Variants in MROH9 observed in about 807,000 individuals in gnomAD.
MROH9 encodes maestro heat like repeat family member 9.
MROH9 carries 92 observed loss-of-function variants against 98.2 expected under a neutral mutation model. That is an observed-to-expected ratio of 0.94 (90% CI 0.79 to 1.11). The LOEUF is 1.11. MROH9 is among the 50% of genes most tolerant of loss of function. The pLI is 0.00. For synonymous variants in MROH9, 397 were observed against 368.9 expected (o/e 1.08, Z -0.87); for missense variants, 1,057 against 1,014.8 (o/e 1.04, Z -0.57).
chr1:171,033,050 G>A (rs1652975971), intron 20 of MROH9, among the ~76,000 whole-genome samples: 1 of 152,236 alleles, frequency 6.6e-6, no homozygotes, highest in African/African-American at 2.4e-5. Context: ...GAGGCACTCT[G>A]CCACAGACTG....
intron 20 of MROH9, among the ~76,000 whole-genome samples, chr1:171,043,761 A>AT (rs1553222467): frequency 6.6e-6 from 1 of 151,514 alleles, no homozygotes; most frequent in Non-Finnish European, 1.5e-5. Context: ...TGGGATTCAA[A>AT]TTTTTTTCAC....
In MROH9 at chr1:170,937,544, C is replaced by T. The variant is rs868829141; in HGVS notation, c.-38+1957C>T. Among the ~76,000 whole-genome samples, 15 of 118,706 alleles carry T rather than the reference C, an allele frequency of 1.3e-4. No individual in the cohort carries two copies. In the East Asian group the frequency reaches 2.5e-3, roughly 20 times the overall value. 77.9% of individuals were successfully genotyped at this position (118,706 alleles called of 152,430 possible). A position where few individuals can be genotyped will look rare whatever the true frequency, so the allele number is the denominator to read the frequency against. ...TTTTTTTTTTTTTTTTTTTTTGAGA[C>T]GGAGTCTCGCTCTGTCGCCCAGGCT... On this transcript the variant is annotated intron_variant, in intron 1 of 21. Transcript: ENST00000367759.
Position 171,061,356 on chromosome 1 carries a change from A to G in MROH9, c.2282-776A>G, listed in dbSNP as rs572706619. On this transcript the variant is annotated intron_variant, in intron 20 of 21. Coordinates refer to ENST00000367759, the MANE Select transcript of MROH9 (RefSeq NM_001163629.2). ...CATAAGCATACCCGGTAAATCCACTAGTTATATACCAAACAGCAGTTATAC... is the reference window on the plus strand; with the variant it reads ...CATAAGCATACCCGGTAAATCCACTGGTTATATACCAAACAGCAGTTATAC... Among the ~76,000 whole-genome samples the G allele has an allele frequency of 3.3e-5, 5 of 152,282 alleles. No individual in the cohort carries two copies. The South Asian group carries it at 6.2e-4, about 19-fold the overall frequency.
chr1:171,026,349 A>T (rs1652714093), intron 20 of MROH9, among the ~76,000 whole-genome samples: 1 of 151,150 alleles, frequency 6.6e-6, no homozygotes, highest in East Asian at 1.9e-4. Flanking sequence ...ATCTTGGCTC[A>T]CTGCAACCTC....
intron 17 of MROH9, among the ~76,000 whole-genome samples, chr1:171,018,665 G>A (rs568972168): frequency 3.3e-5 from 5 of 152,282 alleles, no homozygotes; most frequent in African/African-American, 9.6e-5. Flanking sequence ...TAGATAAAAG[G>A]TTAGAGGAGC....
At chr1:171,059,319 C>T (rs1461894373) in intron 20 of MROH9, among the ~76,000 whole-genome samples, 1 of 152,058 alleles carries the variant, frequency 6.6e-6, no homozygotes, top group Non-Finnish European at 1.5e-5. Flanking sequence ...TAGAGAAATG[C>T]AAATCAAAAC....
At chr1:171,037,810 T>A (rs753155636) in intron 20 of MROH9, among the ~76,000 whole-genome samples, 56 of 149,188 alleles carry the variant, frequency 3.8e-4, no homozygotes, top group Non-Finnish European at 6.3e-4. Context: ...AAGTGAATCA[T>A]TGACCTTAAC....
rs569145183 is a variant in MROH9, at chr1:170,963,205, G to A, written c.375+1229G>A. 2.0e-5 allele frequency among the ~76,000 whole-genome samples: 3 copies of A among 151,362 alleles called. No individual in the cohort carries two copies. In the East Asian group the frequency reaches 5.8e-4, roughly 29 times the overall value. On this transcript the variant is annotated intron_variant, in intron 6 of 21. Coordinates refer to ENST00000367759, the MANE Select transcript of MROH9 (RefSeq NM_001163629.2). ...ACACTTTTCAAAAGAAGACATACATGTGGCCAACAAGAATATGAAAAAAAG... is the reference window on the plus strand; with the variant it reads ...ACACTTTTCAAAAGAAGACATACATATGGCCAACAAGAATATGAAAAAAAG...
chr1:170,978,324 G>A (rs1650794761), intron 8 of MROH9, among the ~76,000 whole-genome samples: 1 of 152,170 alleles, frequency 6.6e-6, no homozygotes, highest in Non-Finnish European at 1.5e-5. Flanking sequence ...ATTGAGGGCA[G>A]CAGGGATAGA....
rs34151701 is a variant in MROH9, at chr1:171,044,151, GT to G, written c.2282-17975del. ...TGTTGATGTATATTCCATCTATGCA[GT>G]TTTTTAAGGGTTTTTATCATGAAGG... On this transcript the variant is annotated intron_variant, in intron 20 of 21. Coordinates refer to ENST00000367759, the MANE Select transcript of MROH9 (RefSeq NM_001163629.2). Among the ~76,000 whole-genome samples, 7 of 152,142 alleles carry G rather than the reference GT, an allele frequency of 4.6e-5. 1 individual carries two copies. In the South Asian group the frequency reaches 6.2e-4, roughly 14 times the overall value.
At chr1:170,996,296 G>C (rs1209089704) in intron 13 of MROH9, among the ~76,000 whole-genome samples, 1 of 152,176 alleles carries the variant, frequency 6.6e-6, no homozygotes, top group Non-Finnish European at 1.5e-5. Context: ...ATTGATGCTA[G>C]ATTTTGTGTG....
chr1:171,056,622 GGTCA>G (rs765898913), intron 20 of MROH9, among the ~76,000 whole-genome samples: 1 of 152,114 alleles, frequency 6.6e-6, no homozygotes, highest in Non-Finnish European at 1.5e-5. Context: ...CTGCACCAAG[GGTCA>G]GTCAAAGTGC....
At chr1:171,004,338 G>A (rs531010141) in intron 15 of MROH9, among the ~76,000 whole-genome samples, 6 of 152,048 alleles carry the variant, frequency 3.9e-5, no homozygotes, top group Admixed American at 6.6e-5. Context: ...TTTACTCCCT[G>A]CCCCTCTGGC....
intron 17 of MROH9, among the ~76,000 whole-genome samples, chr1:171,022,696 C>T (rs950521495): frequency 2.6e-5 from 4 of 152,004 alleles, no homozygotes; most frequent in African/African-American, 9.7e-5. Context: ...AGCAAACCAG[C>T]ATGGCACACA....
At chr1:170,958,429 CTTTT>C (rs374865486) in intron 3 of MROH9, 28 bp from the exon 4 acceptor site, 411 of 988,786 alleles carry the variant, frequency 4.2e-4, no homozygotes, top group South Asian at 5.4e-4. Context: ...ATTAATTCTT[CTTTT>C]TTTTTTTTTT....
rs754332732 is a variant in MROH9, at chr1:171,044,972, C to CTTTTTTTTTTTTTTTT, written c.2282-17128_2282-17113dup. On this transcript the variant is annotated intron_variant, in intron 20 of 21. Transcript: ENST00000367759. Reference sequence around the variant, plus strand: ...CAATTCCATTTATTTCTGCTCTGATCTTTTTTTTTTTTTTTTTTTTTTTTT... The same window carrying CTTTTTTTTTTTTTTTT: ...CAATTCCATTTATTTCTGCTCTGATCTTTTTTTTTTTTTTTTTTTTTTTTTTTTTTTTTTTTTTTTT... 1.4e-3 allele frequency among the ~76,000 whole-genome samples: 65 copies of CTTTTTTTTTTTTTTTT among 45,712 alleles called. 16 individuals carry two copies. The Middle Eastern group carries it at 0.037, about 26-fold the overall frequency. 30.0% of individuals were successfully genotyped at this position (45,712 alleles called of 152,430 possible). A position where few individuals can be genotyped will look rare whatever the true frequency, so the allele number is the denominator to read the frequency against.
intron 20 of MROH9, among the ~76,000 whole-genome samples, chr1:171,030,385 G>A (rs539214480): frequency 8.6e-5 from 13 of 152,002 alleles, no homozygotes; most frequent in South Asian, 2.1e-4. Flanking sequence ...ATACTAGAGC[G>A]TCAATTTGAG....
chr1:171,014,087 C>A (rs1652249139), intron 15 of MROH9, 30 bp from the exon 16 acceptor site: 2 of 1,539,550 alleles, frequency 1.3e-6, no homozygotes, highest in Non-Finnish European at 1.8e-6. Context: ...CTCTACTTTG[C>A]TTATAAACTT....
At position 171,048,286 on chromosome 1, in the gene MROH9, G is replaced by A. The variant is rs2101865739; in HGVS notation, c.2282-13846G>A. On this transcript the variant is annotated intron_variant, in intron 20 of 21. Coordinates refer to ENST00000367759, the MANE Select transcript of MROH9 (RefSeq NM_001163629.2). ...AGTGGAGGGGTTGTCCAGGAGCCAG[G>A]GACTAGGGTCAAAAACCTTGGAAGT... Among the ~76,000 whole-genome samples the A allele has an allele frequency of 1.3e-5, 2 of 152,286 alleles. 1 individual carries two copies. The highest frequency in any genetic ancestry group is 4.1e-4 in the South Asian group (2 of 4,822).
Sources: gnomAD v4.1 joint callset for allele counts (sites outside exome capture counted in the v4.1 genomes callset) on GRCh38, gnomAD v4.1.1 for gene constraint, MANE v1.5 for transcripts, NCBI Gene and HGNC (gene_info 2026-07-23, HGNC 2026-07-21) for gene names.